Variants in ATP5F1A observed in about 807,000 individuals in gnomAD.
ATP5F1A encodes ATP synthase F1 subunit alpha, also known as ATP synthase F(1) complex subunit alpha, mitochondrial.
A neutral mutation model predicts 57.4 loss-of-function variants in ATP5F1A; 24 were observed. That is an observed-to-expected ratio of 0.42 (90% CI 0.30 to 0.59). ATP5F1A has a LOEUF of 0.59. Among genes scored for constraint, ATP5F1A ranks in the 20% least tolerant of loss-of-function variants. The probability of loss-of-function intolerance (pLI) is 0.19; values close to 1 mark genes in which losing one functional copy is unlikely to be tolerated. For synonymous variants in ATP5F1A, 251 were observed against 255.5 expected (o/e 0.98, Z 0.17); for missense variants, 494 against 707.9 (o/e 0.70, Z 3.43).
intron 1 of ATP5F1A, among the ~76,000 whole-genome samples, chr18:46,096,500 CAAAAAAAA>C: frequency 1.4e-5 from 1 of 70,640 alleles, no homozygotes; most frequent in East Asian, 5.6e-4. Flanking sequence ...AACTCCGTCT[CAAAAAAAA>C]AAAAAAAAAG....
Position 46,080,704 on chromosome 18 carries a change from C to G in ATP5F1A, c.*3578G>C, listed in dbSNP as rs1024665983. The G allele has an allele frequency of 2.6e-5, 4 of 152,060 alleles. No homozygotes were observed. Among genetic ancestry groups the G allele is most frequent in the Admixed American group, 6.6e-5 (1 of 15,250 alleles). The allele number at this position is 152,060 out of a possible 1,614,324, so 9.4% of individuals were successfully genotyped here. A position where few individuals can be genotyped will look rare whatever the true frequency, so the allele number is the denominator to read the frequency against. ...AGCTGACTGCAGCCTGTTTCAAACT[C>G]CTGGGCTCAAGTGATCGTCCCAAAG... On this transcript the variant is annotated 3_prime_UTR_variant, in exon 12 of 12. Coordinates refer to ENST00000398752, the MANE Select transcript of ATP5F1A (RefSeq NM_004046.6).
upstream of ATP5F1A, chr18:46,098,347 C>G (rs1911138549): frequency 1.5e-6 from 2 of 1,376,706 alleles, no homozygotes; most frequent in Non-Finnish European, 1.9e-6. Context: ...CCCGGAAGTA[C>G]TGCCCCTCGC....
At chr18:46,094,996 A>T in intron 2 of ATP5F1A, 57 bp downstream of exon 2, 1 of 1,541,646 alleles carries the variant, frequency 6.5e-7, no homozygotes. Flanking sequence ...TATACGATGT[A>T]TGTAATTTAT....
In ATP5F1A at chr18:46,082,071, T is replaced by C. The variant is rs1599763389; in HGVS notation, c.*2211A>G. 8.0e-6 allele frequency: 1 copy of C among 124,756 alleles called. No homozygotes were observed. Among genetic ancestry groups the C allele is most frequent in the Non-Finnish European group, 1.7e-5 (1 of 60,082 alleles). The allele number at this position is 124,756 out of a possible 1,614,324, so 7.7% of individuals were successfully genotyped here. A position where few individuals can be genotyped will look rare whatever the true frequency, so the allele number is the denominator to read the frequency against. ...TGACCCTTACAGACAAAAGCCTTTA[T>C]ATATCAGTAAAAAAAAAAAAAAAAA... On this transcript the variant is annotated 3_prime_UTR_variant, in exon 12 of 12. Coordinates refer to ENST00000398752, the MANE Select transcript of ATP5F1A (RefSeq NM_004046.6).
upstream of ATP5F1A, among the ~76,000 whole-genome samples, chr18:46,100,251 T>TAAAA (rs34683117): frequency 5.0e-4 from 34 of 68,364 alleles, no homozygotes; most frequent in South Asian, 6.5e-4. Context: ...AAACTCCATC[T>TAAAA]AAAAAAAAAA....
At chr18:46,095,160 A>G in intron 1 of ATP5F1A, 29 bp from the exon 2 acceptor site, 2 of 1,604,852 alleles carry the variant, frequency 1.2e-6, no homozygotes, top group South Asian at 2.2e-5. Flanking sequence ...TAAAAATTTG[A>G]TTTTTAACAA....
upstream of ATP5F1A, among the ~76,000 whole-genome samples, chr18:46,100,665 T>C (rs1488239010): frequency 6.6e-6 from 1 of 152,136 alleles, no homozygotes; most frequent in East Asian, 1.9e-4. Context: ...GAAAGTTCAT[T>C]GTCACTAGTA....
chr18:46,102,377 G>A (rs1428219586), upstream of ATP5F1A, among the ~76,000 whole-genome samples: 1 of 151,860 alleles, frequency 6.6e-6, no homozygotes, highest in Non-Finnish European at 1.5e-5. Context: ...AGGCTGGAGT[G>A]CAGTGTCTCA....
Position 46,087,468 on chromosome 18 carries a change from A to G in ATP5F1A, c.824T>C (p.Val275Ala). The change falls in exon 7 of 12, where the codon GTG (valine) becomes GCG (alanine). Residue 275 changes from valine (V) to alanine (A), a missense_variant. Physicochemically the swap from Val to Ala is moderately conservative, Grantham distance 64. Transcript: ENST00000398752. Reference protein sequence around the residue: ...DADAMKYTIVVSATASDAAPL... With the variant: ...DADAMKYTIVASATASDAAPL... ...GGCAGCATCCGAGGCCGTAGCCGACACCACAATGGTGTACTTCATGGCATC... is the reference window on the plus strand; with the variant it reads ...GGCAGCATCCGAGGCCGTAGCCGACGCCACAATGGTGTACTTCATGGCATC... The G allele has an allele frequency of 6.2e-7, 1 of 1,614,236 alleles. No homozygotes were observed.
Position 46,084,266 on chromosome 18 carries a change from G to A in ATP5F1A, c.*16C>T. 6.2e-7 allele frequency: 1 copy of A among 1,603,818 alleles called. No homozygotes were observed. Among genetic ancestry groups the A allele is most frequent in the Non-Finnish European group, 8.5e-7 (1 of 1,174,864 alleles). On this transcript the variant is annotated 3_prime_UTR_variant, in exon 12 of 12. Coordinates refer to ENST00000398752, the MANE Select transcript of ATP5F1A (RefSeq NM_004046.6). ...TGACAAAACTGAACTGGTATTTGAT[G>A]TGAATCCACAGGAGTTTAAGCTTCA...
chr18:46,094,419 A>G (rs1056075597), intron 2 of ATP5F1A, among the ~76,000 whole-genome samples: 2 of 152,142 alleles, frequency 1.3e-5, no homozygotes, highest in African/African-American at 4.8e-5. Flanking sequence ...CTTTAATCCC[A>G]GCACTTTGGG....
In ATP5F1A at chr18:46,082,497, A is replaced by C. The variant is rs888831096; in HGVS notation, c.*1785T>G. ...TCAGGAGTTCGAGACCAGCCTGGCC[A>C]ATATGGTGAAACCCCGCCTCTACTA... On this transcript the variant is annotated 3_prime_UTR_variant, in exon 12 of 12. Coordinates refer to ENST00000398752, the MANE Select transcript of ATP5F1A (RefSeq NM_004046.6). The C allele has an allele frequency of 2.6e-5, 4 of 151,648 alleles. No homozygotes were observed. The highest frequency in any genetic ancestry group is 5.9e-5 in the Non-Finnish European group (4 of 68,006). 9.4% of individuals were successfully genotyped at this position (151,648 alleles called of 1,614,324 possible). A position where few individuals can be genotyped will look rare whatever the true frequency, so the allele number is the denominator to read the frequency against.
intron 3 of ATP5F1A, 71 bp from the exon 4 acceptor site, chr18:46,090,067 A>C: frequency 1.8e-6 from 1 of 547,792 alleles, no homozygotes; most frequent in Non-Finnish European, 2.6e-6. Flanking sequence ...AATACTACAT[A>C]AGAAAATAGT....
intron 2 of ATP5F1A, among the ~76,000 whole-genome samples, chr18:46,093,645 G>A (rs933301853): frequency 2.1e-4 from 32 of 152,226 alleles, no homozygotes; most frequent in African/African-American, 6.5e-4. Context: ...CCAACATGGC[G>A]AAACTCTATC....
Position 46,098,154 on chromosome 18 carries a change from C to T in ATP5F1A, c.60+18G>A, listed in dbSNP as rs758051993. The T allele has an allele frequency of 8.1e-6, 13 of 1,595,856 alleles. No homozygotes were observed. The South Asian group carries it at 1.3e-4, about 16-fold the overall frequency. ...GCCCCACCCGGCCGCCTGCATCATG[C>T]CGGCCTTCGGTGCTCACCAGTCCGG... On this transcript the variant is annotated intron_variant, in intron 1 of 11. Transcript: ENST00000398752.
At position 46,080,790 on chromosome 18, in the gene ATP5F1A, A is replaced by G. The variant is rs1050405253; in HGVS notation, c.*3492T>C. 1 of 151,824 alleles carries G rather than the reference A, an allele frequency of 6.6e-6. No homozygotes were observed. The highest frequency in any genetic ancestry group is 2.4e-5 in the African/African-American group (1 of 41,364). The allele number at this position is 151,824 out of a possible 1,614,324, so 9.4% of individuals were successfully genotyped here. A position where few individuals can be genotyped will look rare whatever the true frequency, so the allele number is the denominator to read the frequency against. On this transcript the variant is annotated 3_prime_UTR_variant, in exon 12 of 12. Transcript: ENST00000398752. The stretch of plus-strand genomic sequence containing the variant: ...CTATCATATTCTTTAAAAATATCAC[A>G]TATTTTTAAATGTGATATTTAAAAA...
intron 1 of ATP5F1A, among the ~76,000 whole-genome samples, chr18:46,095,568 T>C (rs975980555): frequency 5.9e-5 from 9 of 151,966 alleles, no homozygotes; most frequent in Non-Finnish European, 7.4e-5. Context: ...CCACCCGCCT[T>C]GGCCTCCCAA....
chr18:46,100,014 G>A (rs1354667840), upstream of ATP5F1A, among the ~76,000 whole-genome samples: 3 of 152,220 alleles, frequency 2.0e-5, no homozygotes, highest in Admixed American at 1.3e-4. Context: ...ACTTTGGGAG[G>A]CTGAGGCGGG....
At chr18:46,086,321 T>C (rs1278368455) in intron 9 of ATP5F1A, 64 bp from the exon 10 acceptor site, 1 of 812,722 alleles carries the variant, frequency 1.2e-6, no homozygotes, top group Non-Finnish European at 1.8e-6. Flanking sequence ...ATATAGTTAA[T>C]ATATTAATAC....
Sources: gnomAD v4.1 joint callset for allele counts (sites outside exome capture counted in the v4.1 genomes callset) on GRCh38, gnomAD v4.1.1 for gene constraint, MANE v1.5 for transcripts, NCBI Gene and HGNC (gene_info 2026-07-23, HGNC 2026-07-21) for gene names.